Variants in ALPL observed in about 807,000 individuals in gnomAD.
ALPL encodes alkaline phosphatase, biomineralization associated.
Under a neutral mutation model 51.3 loss-of-function variants are expected in ALPL, and 42 were observed. The observed-to-expected ratio is 0.82, with a 90% CI of 0.64 to 1.06. ALPL has a LOEUF of 1.06. ALPL is among the 50% of genes least tolerant of loss of function. ALPL has a pLI of 0.00. For synonymous variants in ALPL, 279 were observed against 296.4 expected, an observed-to-expected ratio of 0.94 and a Z score of 0.60; for missense variants, 589 against 709.4, an observed-to-expected ratio of 0.83 and a Z score of 1.93.
At chr1:21,534,421 C>G (rs1250920337) in intron 1 of ALPL, among the ~76,000 whole-genome samples, 1 of 152,166 alleles carries the variant, frequency 6.6e-6, no homozygotes, top group Non-Finnish European at 1.5e-5. Flanking sequence ...CTCATAAGAC[C>G]TGAGATAGAG....
chr1:21,560,609 CCTCT>C lies in ALPL; in HGVS notation c.62-12_62-9del, dbSNP rs770038333. The stretch of plus-strand genomic sequence containing the variant: ...CTATCCTTACCCCGCCAAGTAACTG[CCTCT>C]CTCTGTGTTTAGAGAAAGAGAAAGA... On this transcript the variant is annotated splice_polypyrimidine_tract_variant and intron_variant, in intron 2 of 11. Coordinates refer to ENST00000374840, the MANE Select transcript of ALPL (RefSeq NM_000478.6). 121 of 1,613,720 alleles carry C rather than the reference CCTCT, an allele frequency of 7.5e-5. No homozygotes were observed. The highest frequency in any genetic ancestry group is 2.8e-5 in the Non-Finnish European group (33 of 1,179,852).
At chr1:21,550,938 T>C (rs574318771) in intron 1 of ALPL, among the ~76,000 whole-genome samples, 1 of 152,298 alleles carries the variant, frequency 6.6e-6, no homozygotes, top group East Asian at 1.9e-4. Context: ...CTGCCGTAGA[T>C]GGAGGCAGTT....
chr1:21,518,156 C>T (rs1467161376), intron 1 of ALPL, among the ~76,000 whole-genome samples: 1 of 151,976 alleles, frequency 6.6e-6, no homozygotes, highest in Admixed American at 6.6e-5. Context: ...TGTTCAGTCC[C>T]AAGGGAGAGG....
intron 6 of ALPL, among the ~76,000 whole-genome samples, chr1:21,567,853 G>A (rs531612625): frequency 6.6e-6 from 1 of 152,304 alleles, no homozygotes; most frequent in Admixed American, 6.5e-5. Context: ...ATTCCGGGAA[G>A]CCAAGTAAGG....
Position 21,573,736 on chromosome 1 carries a change from A to G in ALPL, c.934A>G (p.Met312Val). Reference protein sequence around the residue: ...NNVTDPSLSEMVVVAIQILRK... With the variant: ...NNVTDPSLSEVVVVAIQILRK... ...CGTGACGGACCCGTCACTCTCCGAGATGGTGGTGGTGGCCATCCAGATCCT... is the reference window on the plus strand; with the variant it reads ...CGTGACGGACCCGTCACTCTCCGAGGTGGTGGTGGTGGCCATCCAGATCCT... The change falls in exon 9 of 12, where the codon ATG (methionine) becomes GTG (valine). Residue 312 changes from methionine (M) to valine (V), a missense_variant. Coordinates refer to ENST00000374840, the MANE Select transcript of ALPL (RefSeq NM_000478.6). The G allele has an allele frequency of 6.2e-7, 1 of 1,614,026 alleles. No individual in the cohort carries two copies. Among genetic ancestry groups the G allele is most frequent in the Non-Finnish European group, 8.5e-7 (1 of 1,180,010 alleles).
rs79318437 is a variant in ALPL at position 21,535,428 on chromosome 1, A to G, written c.-104-18550A>G. On this transcript the variant is annotated intron_variant, in intron 1 of 11. Transcript: ENST00000374840. ...TTAGGAGGTTGAGAGTCTGGGCAAC[A>G]TAGCGAGACCTTGTCTCTACTAAAA... 6.8e-4 allele frequency among the ~76,000 whole-genome samples: 103 copies of G among 152,280 alleles called. 2 individuals are homozygous for G. The East Asian group carries it at 0.017, about 26-fold the overall frequency.
At position 21,554,801 on chromosome 1, in the gene ALPL, CTGTCTGTCTGTCTGTCTTT is replaced by C. The variant is rs1182191879; in HGVS notation, c.61+660_61+678del. The stretch of plus-strand genomic sequence containing the variant: ...CACCGCGCCTGGCCTGTCTGTCTGT[CTGTCTGTCTGTCTGTCTTT>C]CTTTCTTTCTTTCTTTCTTTCTTTC... On this transcript the variant is annotated intron_variant, in intron 2 of 11. Transcript: ENST00000374840. Among the ~76,000 whole-genome samples the C allele has an allele frequency of 1.7e-4, 5 of 30,202 alleles. No individual in the cohort carries two copies. The East Asian group carries it at 3.0e-3, about 18-fold the overall frequency. 19.8% of individuals were successfully genotyped at this position (30,202 alleles called of 152,430 possible).
intron 9 of ALPL, chr1:21,574,398 G>A (rs1767447): frequency 0.94 from 162,042 of 172,830 alleles, 76,017 homozygotes; most frequent in East Asian, 0.99. Context: ...TATTAGCCTT[G>A]TTATGGCTAC....
chr1:21,545,707 ATCT>A (rs1186039183), intron 1 of ALPL, among the ~76,000 whole-genome samples: 11 of 152,110 alleles, frequency 7.2e-5, no homozygotes, highest in Admixed American at 5.2e-4. Context: ...CTGTTCATAA[ATCT>A]TCTTCTACTA....
In ALPL at chr1:21,576,506, C is replaced by A. The variant is rs376991460; in HGVS notation, c.1190-16C>A. On this transcript the variant is annotated splice_polypyrimidine_tract_variant and intron_variant, in intron 10 of 11. Transcript: ENST00000374840. ...GGGGCCCCAGCATGACCCCTGAACA[C>A]CCCCTCCCTGTGCAGGTCTGGCCCC... 27 of 1,613,334 alleles carry A rather than the reference C, an allele frequency of 1.7e-5. No individual in the cohort carries two copies. Among genetic ancestry groups the A allele is most frequent in the African/African-American group, 9.3e-5 (7 of 75,008 alleles).
chr1:21,566,964 G>A (rs1460296430), intron 6 of ALPL, among the ~76,000 whole-genome samples: 2 of 152,126 alleles, frequency 1.3e-5, no homozygotes, highest in East Asian at 1.9e-4. Flanking sequence ...GTCAGTAGTC[G>A]ATAGAGTCAG....
chr1:21,540,087 G>A (rs1644162767), intron 1 of ALPL, among the ~76,000 whole-genome samples: 1 of 152,172 alleles, frequency 6.6e-6, no homozygotes, highest in African/African-American at 2.4e-5. Context: ...CGCAGATGTA[G>A]TGCGTGCGCC....
intron 1 of ALPL, among the ~76,000 whole-genome samples, chr1:21,510,182 C>T (rs1370554438): frequency 6.6e-6 from 1 of 152,152 alleles, no homozygotes; most frequent in African/African-American, 2.4e-5. Flanking sequence ...TTAGGCTTTG[C>T]GAGGTGGGCC....
chr1:21,533,458 A>C (rs959904996), intron 1 of ALPL, among the ~76,000 whole-genome samples: 2 of 152,158 alleles, frequency 1.3e-5, no homozygotes, highest in Admixed American at 1.3e-4. Flanking sequence ...GATGCTCTCC[A>C]CTGCATTTTA....
At position 21,538,518 on chromosome 1, in the gene ALPL, G is replaced by A. The variant is rs148777259; in HGVS notation, c.-104-15460G>A. ...CCCAGGGATTCGGCTTGTGCTGGCC[G>A]CTGCCCAGCAAGCTACAAGTTCATT... On this transcript the variant is annotated intron_variant, in intron 1 of 11. Transcript: ENST00000374840. 7.7e-3 allele frequency among the ~76,000 whole-genome samples: 1,167 copies of A among 152,242 alleles called. 14 individuals are homozygous for A. The highest frequency in any genetic ancestry group is 0.034 in the Middle Eastern group (10 of 294).
At chr1:21,567,994 G>C in intron 6 of ALPL, 110 bp from the exon 7 acceptor site, 1 of 1,478,524 alleles carries the variant, frequency 6.8e-7, no homozygotes, top group South Asian at 1.1e-5. Flanking sequence ...GGCTGGGAAA[G>C]TGTCCACACC....
chr1:21,509,436 C>T lies in ALPL; in HGVS notation c.-186C>T, dbSNP rs1297993398. On this transcript the variant is annotated 5_prime_UTR_variant, in exon 1 of 12. Coordinates refer to ENST00000374840, the MANE Select transcript of ALPL (RefSeq NM_000478.6). The surrounding 1 kb of genome is among the most constrained non-coding windows in gnomAD (Gnocchi z 6.0). ...GTGGTGGCCCGGGCCGCGTTGCGCTCCCGCCACTCCGCGCCCGCTATCCTG... is the reference window on the plus strand; with the variant it reads ...GTGGTGGCCCGGGCCGCGTTGCGCTTCCGCCACTCCGCGCCCGCTATCCTG... The T allele has an allele frequency of 6.6e-6, 1 of 151,840 alleles. No individual in the cohort carries two copies. Among genetic ancestry groups the T allele is most frequent in the African/African-American group, 2.4e-5 (1 of 41,400 alleles). 9.4% of individuals were successfully genotyped at this position (151,840 alleles called of 1,614,324 possible). A position where few individuals can be genotyped will look rare whatever the true frequency, so the allele number is the denominator to read the frequency against.
intron 1 of ALPL, among the ~76,000 whole-genome samples, chr1:21,552,598 G>A (rs1157318840): frequency 1.3e-5 from 2 of 152,022 alleles, no homozygotes; most frequent in Non-Finnish European, 2.9e-5. Flanking sequence ...TTTTCTTAGA[G>A]ACAGGGTCTC....
chr1:21,542,940 C>A (rs1372918438), intron 1 of ALPL, among the ~76,000 whole-genome samples: 2 of 152,084 alleles, frequency 1.3e-5, no homozygotes, highest in Non-Finnish European at 2.9e-5. Context: ...TCACTTGAAC[C>A]CAGGAGTTCG....
Sources: gnomAD v4.1 joint callset for allele counts (sites outside exome capture counted in the v4.1 genomes callset) on GRCh38, gnomAD v4.1.1 for gene constraint, Gnocchi (gnomAD v3.1) non-coding constraint, MANE v1.5 for transcripts, NCBI Gene and HGNC (gene_info 2026-07-23, HGNC 2026-07-21) for gene names.